REC114: variants seen among roughly 807,000 people sequenced by gnomAD.
REC114 encodes meiotic recombination protein REC114.
Under a neutral mutation model 31.3 loss-of-function variants are expected in REC114, and 27 were observed. That is an observed-to-expected ratio of 0.86 (90% CI 0.64 to 1.19). The LOEUF is 1.19. REC114 is among the 50% of genes most tolerant of loss of function. The pLI, the probability that REC114 is intolerant of heterozygous loss-of-function variation, is 0.00. For synonymous variants in REC114, 134 were observed against 127.7 expected, an observed-to-expected ratio of 1.05 and a Z score of -0.33; for missense variants, 344 against 326.9, an observed-to-expected ratio of 1.05 and a Z score of -0.40.
chr15:73,443,338 A>C lies in REC114; in HGVS notation c.153A>C (p.Thr51=), dbSNP rs1016959027. The C allele has an allele frequency of 1.3e-6, 2 of 1,573,004 alleles. No individual in the cohort carries two copies. The highest frequency in any genetic ancestry group is 1.7e-6 in the Non-Finnish European group (2 of 1,160,672). The change falls in exon 1 of 6, where the codon ACA becomes ACC. Residue 51 remains threonine, a synonymous_variant. Coordinates refer to ENST00000331090, the MANE Select transcript of REC114 (RefSeq NM_001042367.2). ...AAGCTGGGACAGCCCCCTGCCCCAC[A>C]TGGAAGGTGAGGCCCGAAGGCAGGA... ...CLEAGTAPCP[T]WKVFDSNEES...
In REC114 at chr15:73,511,640, T is replaced by G. The variant is rs1362808029; in HGVS notation, c.250-28845T>G. 5.6e-3 allele frequency among the ~76,000 whole-genome samples: 816 copies of G among 145,076 alleles called. 6 individuals carry two copies. The highest frequency in any genetic ancestry group is 0.02 in the African/African-American group (790 of 38,850). Reference sequence around the variant, plus strand: ...ATGCGTCCCAGAGATTCTGGTATGTTGTGTCTTTGTTCTCGTTGGTTTCAA... The same window carrying G: ...ATGCGTCCCAGAGATTCTGGTATGTGGTGTCTTTGTTCTCGTTGGTTTCAA... On this transcript the variant is annotated intron_variant, in intron 2 of 5. Coordinates refer to ENST00000331090, the MANE Select transcript of REC114 (RefSeq NM_001042367.2).
At chr15:73,492,113 G>A in intron 2 of REC114, among the ~76,000 whole-genome samples, 1 of 152,062 alleles carries the variant, frequency 6.6e-6, no homozygotes, top group East Asian at 1.9e-4. Flanking sequence ...GCCTCGTTAA[G>A]AAACAGAACA....
chr15:73,479,435 G>A (rs1214666705), intron 2 of REC114, among the ~76,000 whole-genome samples: 1 of 151,864 alleles, frequency 6.6e-6, no homozygotes, highest in Non-Finnish European at 1.5e-5. Flanking sequence ...TTTTATATAT[G>A]TATGGTGAGA....
intron 2 of REC114, among the ~76,000 whole-genome samples, chr15:73,521,817 T>C (rs761219827): frequency 1.4e-4 from 21 of 152,208 alleles, no homozygotes; most frequent in Non-Finnish European, 2.5e-4. Context: ...CTTGTTTCTG[T>C]TATTTAAAAC....
chr15:73,445,954 T>C (rs1892758907), intron 1 of REC114, among the ~76,000 whole-genome samples: 1 of 152,192 alleles, frequency 6.6e-6, no homozygotes, highest in African/African-American at 2.4e-5. Flanking sequence ...CTGAGAGACT[T>C]GATTGATGTG....
rs535083559 is a variant in REC114 at position 73,443,168 on chromosome 15, C to T, written c.-18C>T. ...GATTGGCAGGTCCCCGCCGGCAGTG[C>T]GTGTGGTGAGGCAGGACATGGCGGA... On this transcript the variant is annotated 5_prime_UTR_variant, in exon 1 of 6. Transcript: ENST00000331090. 104 of 1,543,596 alleles carry T rather than the reference C, an allele frequency of 6.7e-5. 1 individual carries two copies. The Middle Eastern group carries it at 7.2e-4, about 11-fold the overall frequency.
At chr15:73,540,634 G>T in intron 3 of REC114, 66 bp downstream of exon 3, 1 of 1,372,256 alleles carries the variant, frequency 7.3e-7, no homozygotes, top group South Asian at 1.2e-5. Context: ...GAGGTATTTG[G>T]GGGCATCTCT....
At chr15:73,519,790 T>A (rs770848024) in intron 2 of REC114, among the ~76,000 whole-genome samples, 6 of 152,220 alleles carry the variant, frequency 3.9e-5, no homozygotes, top group Non-Finnish European at 7.3e-5. Flanking sequence ...GAATATTATT[T>A]ATCCTTACAA....
At chr15:73,498,108 G>A (rs894387076) in intron 2 of REC114, among the ~76,000 whole-genome samples, 5 of 151,944 alleles carry the variant, frequency 3.3e-5, no homozygotes, top group Non-Finnish European at 5.9e-5. Context: ...TGTACTTTAA[G>A]GATGTGTGAA....
intron 4 of REC114, 145 bp downstream of exon 4, chr15:73,551,295 C>T (rs990690923): frequency 1.1e-5 from 9 of 812,970 alleles, no homozygotes; most frequent in Admixed American, 7.7e-5. Flanking sequence ...AAATTGAGGT[C>T]GATACTCATT....
At chr15:73,506,546 C>T (rs936271746) in intron 2 of REC114, among the ~76,000 whole-genome samples, 2 of 152,110 alleles carry the variant, frequency 1.3e-5, no homozygotes, top group Non-Finnish European at 2.9e-5. Context: ...GGAATTAGGT[C>T]AGAAATTGTT....
Position 73,559,824 on chromosome 15 carries a change from T to C in REC114, c.709T>C (p.Phe237Leu). ...SAWGAEELGP[F>L]LRLCLMDQNF... ...ATGGGGTGCAGAAGAGTTAGGCCCC[T>C]TCCTACGTTTGTGCCTTATGGATCA... Residue 237 changes from phenylalanine to leucine, a missense_variant, in exon 6 of 6, where the codon TTC becomes CTC. Coordinates refer to ENST00000331090, the MANE Select transcript of REC114 (RefSeq NM_001042367.2). 1 of 1,612,980 alleles carries C rather than the reference T, an allele frequency of 6.2e-7. No homozygotes were observed. The highest frequency in any genetic ancestry group is 8.5e-7 in the Non-Finnish European group (1 of 1,179,498).
At chr15:73,461,922 C>CTTTTTTTTTTT (rs961387922) in intron 1 of REC114, among the ~76,000 whole-genome samples, 38 of 78,176 alleles carry the variant, frequency 4.9e-4, no homozygotes, top group Middle Eastern at 8.5e-3. Context: ...TTTTTCTTTT[C>CTTTTTTTTTTT]TTTTTTTTTT....
chr15:73,514,926 CTGATTT>C (rs1463889102), intron 2 of REC114, among the ~76,000 whole-genome samples: 1 of 145,772 alleles, frequency 6.9e-6, no homozygotes, highest in East Asian at 2.0e-4. Flanking sequence ...CTTTAACACT[CTGATTT>C]TTTTTTTTTT....
chr15:73,473,956 AC>A, intron 2 of REC114, 35 bp downstream of exon 2: 1 of 1,311,094 alleles, frequency 7.6e-7, no homozygotes, highest in Non-Finnish European at 1.1e-6. Context: ...ATATGGAAAT[AC>A]ATCTTTGTCT....
intron 2 of REC114, among the ~76,000 whole-genome samples, chr15:73,534,534 A>G (rs1035203273): frequency 1.1e-4 from 17 of 152,184 alleles, no homozygotes; most frequent in Non-Finnish European, 2.1e-4. Context: ...TGTGGCAATA[A>G]TCAATAGCTT....
At chr15:73,462,694 G>GC (rs1276386152) in intron 1 of REC114, among the ~76,000 whole-genome samples, 1 of 151,986 alleles carries the variant, frequency 6.6e-6, no homozygotes, top group Non-Finnish European at 1.5e-5. Context: ...GACCATCCTG[G>GC]CTAACACGGT....
chr15:73,443,488 G>A, intron 1 of REC114, 144 bp downstream of exon 1: 4 of 943,986 alleles, frequency 4.2e-6, no homozygotes, highest in Non-Finnish European at 6.1e-6. Flanking sequence ...TGGACAGGCC[G>A]ACAACTAAGA....
intron 2 of REC114, among the ~76,000 whole-genome samples, chr15:73,498,975 G>C (rs1893566545): frequency 6.6e-6 from 1 of 152,096 alleles, no homozygotes; most frequent in African/African-American, 2.4e-5. Context: ...CTTTAGCTTA[G>C]CTTTTGGTCA....
Sources: allele counts gnomAD v4.1 joint callset (sites outside exome capture counted in the v4.1 genomes callset), GRCh38; gene constraint gnomAD v4.1.1; transcripts MANE v1.5; gene names NCBI Gene and HGNC (gene_info 2026-07-23, HGNC 2026-07-21).